Variants in DYNLRB1 observed in about 807,000 individuals in gnomAD.
DYNLRB1 encodes the protein dynein light chain roadblock-type 1, also known as ROBL/LC7-like 1.
In DYNLRB1, 6 loss-of-function variants were observed where a neutral mutation model predicts 13.5. That is an observed-to-expected ratio of 0.44 (90% CI 0.24 to 0.88). DYNLRB1 has a LOEUF of 0.88. DYNLRB1 is among the 40% of genes least tolerant of loss of function. The probability of loss-of-function intolerance (pLI) is 0.21; values close to 1 mark genes in which losing one functional copy is unlikely to be tolerated. For synonymous variants in DYNLRB1, 43 were observed against 45.0 expected (o/e 0.96, Z 0.18); for missense variants, 93 against 127.2 (o/e 0.73, Z 1.29).
rs921488358 is a variant in DYNLRB1 at position 34,534,119 on chromosome 20, G to A, written c.80-509G>A. Among the ~76,000 whole-genome samples, 3 of 152,214 alleles carry A rather than the reference G, an allele frequency of 2.0e-5. No homozygotes were observed. The East Asian group carries it at 5.8e-4, about 29-fold the overall frequency. ...CACTCCAGCCTGGGCAACAGAGCAA[G>A]ACTCCGTCTCAAAAAAAAGAAATTT... is the stretch of plus-strand genomic sequence containing the variant. On this transcript the variant is annotated intron_variant, in intron 2 of 3. Coordinates refer to ENST00000357156, the MANE Select transcript of DYNLRB1 (RefSeq NM_014183.4).
chr20:34,540,648 C>T lies in DYNLRB1; in HGVS notation c.*24C>T, dbSNP rs1265192956. ...AAGCCACTCTCTTGGCTCCCTGTGT[C>T]ATTCCTTAATTTAATGCCCCCCAAG... On this transcript the variant is annotated 3_prime_UTR_variant, in exon 4 of 4. Transcript: ENST00000357156. 1.2e-6 allele frequency: 2 copies of T among 1,611,632 alleles called. No homozygotes were observed. The highest frequency in any genetic ancestry group is 1.3e-5 in the African/African-American group (1 of 74,772).
rs561125437 is a variant in DYNLRB1, at chr20:34,516,828, A to G, written c.3+367A>G. 1,554 of 1,549,438 alleles carry G rather than the reference A, an allele frequency of 1.0e-3. 23 individuals are homozygous for G. In the South Asian group the frequency reaches 0.017, roughly 17 times the overall value. ...GCTCAGTTTGTGGCAGGCTCTGCCA[A>G]GCACTTTATGTATCTTGTATTTCCT... On this transcript the variant is annotated intron_variant, in intron 1 of 3. Transcript: ENST00000357156.
chr20:34,532,698 C>G (rs1980805581), intron 2 of DYNLRB1, among the ~76,000 whole-genome samples: 1 of 152,234 alleles, frequency 6.6e-6, no homozygotes, highest in Non-Finnish European at 1.5e-5. Flanking sequence ...CCCTGGTGAT[C>G]TGGTCATCTT....
intron 3 of DYNLRB1, chr20:34,535,666 C>T (rs1981086531): frequency 5.1e-6 from 5 of 985,342 alleles, no homozygotes; most frequent in Non-Finnish European, 6.0e-6. Context: ...GCGTGCGTCA[C>T]GTATGCGCGT....
chr20:34,530,163 C>T lies in DYNLRB1; in HGVS notation c.79+3820C>T, dbSNP rs1262984483. ...AACTCACAAAGGAGAGGCCCTCATTCTTGCCTTAAAACTGCCCCTAAAGCC... is the reference window on the plus strand; with the variant it reads ...AACTCACAAAGGAGAGGCCCTCATTTTTGCCTTAAAACTGCCCCTAAAGCC... On this transcript the variant is annotated intron_variant, in intron 2 of 3. Coordinates refer to ENST00000357156, the MANE Select transcript of DYNLRB1 (RefSeq NM_014183.4). 1.2e-5 allele frequency: 14 copies of T among 1,198,718 alleles called. No homozygotes were observed. The South Asian group carries it at 3.7e-4, about 31-fold the overall frequency. The allele number at this position is 1,198,718 out of a possible 1,614,324, so 74.3% of individuals were successfully genotyped here.
intron 1 of DYNLRB1, among the ~76,000 whole-genome samples, chr20:34,520,012 C>G (rs1239924119): frequency 3.3e-5 from 5 of 152,124 alleles, no homozygotes; most frequent in Non-Finnish European, 7.4e-5. Context: ...ATCTGTAATT[C>G]CAGCTGCTCA....
intron 2 of DYNLRB1, chr20:34,530,277 A>G: frequency 9.8e-7 from 1 of 1,019,990 alleles, no homozygotes. Context: ...TGATTGCACC[A>G]TAGCTGAGAA....
intron 1 of DYNLRB1, among the ~76,000 whole-genome samples, chr20:34,517,917 G>C (rs1055286355): frequency 6.6e-6 from 1 of 152,080 alleles, no homozygotes; most frequent in Non-Finnish European, 1.5e-5. Flanking sequence ...GATTACAGGC[G>C]TGAGCCACCA....
intron 3 of DYNLRB1, among the ~76,000 whole-genome samples, chr20:34,538,665 A>G (rs951686850): frequency 6.6e-6 from 1 of 152,136 alleles, no homozygotes; most frequent in Admixed American, 6.5e-5. Context: ...TGTTTTCATT[A>G]GTGATTTTTA....
At chr20:34,533,166 C>T (rs1327084448) in intron 2 of DYNLRB1, among the ~76,000 whole-genome samples, 11 of 152,172 alleles carry the variant, frequency 7.2e-5, no homozygotes, top group Admixed American at 7.2e-4. Flanking sequence ...TGAATAAGTC[C>T]ACTTAATGGT....
intron 3 of DYNLRB1, chr20:34,535,941 G>A (rs1981109889): frequency 7.1e-6 from 7 of 985,330 alleles, no homozygotes; most frequent in Non-Finnish European, 8.4e-6. Context: ...TGGCCACAGA[G>A]TTCTGAGGTA....
intron 2 of DYNLRB1, among the ~76,000 whole-genome samples, chr20:34,528,332 A>AC (rs1475019085): frequency 2.6e-5 from 1 of 38,426 alleles, no homozygotes; most frequent in Non-Finnish European, 6.0e-5. Flanking sequence ...AAAAAAAAAA[A>AC]AAAAAAAAAA....
intron 2 of DYNLRB1, 65 bp from the exon 3 acceptor site, chr20:34,534,563 G>T: frequency 6.6e-7 from 1 of 1,507,884 alleles, no homozygotes; most frequent in Non-Finnish European, 8.9e-7. Flanking sequence ...CCAATTAGGG[G>T]TGTGGGTGGG....
In DYNLRB1 at chr20:34,523,700, G is replaced by T. The variant is rs78269703; in HGVS notation, c.4-2568G>T. 4.1e-3 allele frequency among the ~76,000 whole-genome samples: 631 copies of T among 152,248 alleles called. 2 individuals are homozygous for T. The highest frequency in any genetic ancestry group is 0.014 in the African/African-American group (592 of 41,528). ...GCATTCCAGGTCCCGTTTCCCTGCTGTAGCTGACATTTATGTTTTACTTCT... is the reference window on the plus strand; with the variant it reads ...GCATTCCAGGTCCCGTTTCCCTGCTTTAGCTGACATTTATGTTTTACTTCT... On this transcript the variant is annotated intron_variant, in intron 1 of 3. Transcript: ENST00000357156.
chr20:34,524,778 CA>C (rs1180164733), intron 1 of DYNLRB1, among the ~76,000 whole-genome samples: 1 of 150,562 alleles, frequency 6.6e-6, no homozygotes, highest in Non-Finnish European at 1.5e-5. Flanking sequence ...TGCTGGAGTG[CA>C]GTGGTGCGAT....
chr20:34,531,354 T>G (rs1980699496), intron 2 of DYNLRB1: 1 of 152,260 alleles, frequency 6.6e-6, no homozygotes, highest in African/African-American at 2.4e-5. Context: ...ACAGTGTTCA[T>G]TTGTGAAGAC....
chr20:34,529,934 G>A lies in DYNLRB1; in HGVS notation c.79+3591G>A, dbSNP rs1256049552. On this transcript the variant is annotated intron_variant, in intron 2 of 3. Transcript: ENST00000357156. ...GCCCCTGATCAGTTGGGTGGCCTGA[G>A]GCAACTCCTTTCCCCGCTTCAGCCC... The A allele has an allele frequency of 8.2e-6, 12 of 1,457,636 alleles. 1 individual carries two copies. The Admixed American group carries it at 3.4e-4, about 41-fold the overall frequency. 90.3% of individuals were successfully genotyped at this position (1,457,636 alleles called of 1,614,324 possible).
intron 3 of DYNLRB1, among the ~76,000 whole-genome samples, chr20:34,537,654 C>T (rs894815747): frequency 6.6e-6 from 1 of 152,178 alleles, no homozygotes; most frequent in Non-Finnish European, 1.5e-5. Flanking sequence ...TCAGGAGCCA[C>T]CACGCAGAGC....
intron 3 of DYNLRB1, among the ~76,000 whole-genome samples, chr20:34,538,687 T>C (rs1477422054): frequency 1.3e-5 from 2 of 152,204 alleles, no homozygotes. Flanking sequence ...GTATGCAGAT[T>C]GGTTAGCCAT....
Sources: gnomAD v4.1 joint callset for allele counts (sites outside exome capture counted in the v4.1 genomes callset) on GRCh38, gnomAD v4.1.1 for gene constraint, MANE v1.5 for transcripts, NCBI Gene and HGNC (gene_info 2026-07-23, HGNC 2026-07-21) for gene names.